Variants in MED16 observed in about 807,000 individuals in gnomAD.
MED16 encodes the protein mediator of RNA polymerase II transcription subunit 16.
In MED16, 81 loss-of-function variants were observed where a neutral mutation model predicts 84.4. That is an observed-to-expected ratio of 0.96 (90% CI 0.80 to 1.15). The LOEUF (loss-of-function observed/expected upper bound fraction) is 1.15. Ranked by LOEUF, MED16 falls within the 50% of genes most tolerant of loss-of-function variation. MED16 has a pLI of 0.00. For synonymous variants in MED16, 897 were observed against 552.2 expected (o/e 1.62, Z -8.76); for missense variants, 1,585 against 1,245.9 (o/e 1.27, Z -4.10).
intron 8 of MED16, 106 bp downstream of exon 8, chr19:879,818 AGGGCCAGCCCCAC>A (rs2036372866): frequency 1.7e-6 from 2 of 1,160,646 alleles, no homozygotes; most frequent in African/African-American, 3.1e-5. Flanking sequence ...AATCCCCACC[AGGGCCAGCCCCAC>A]GTGCCCCAGC....
chr19:871,649 A>C, intron 12 of MED16: 1 of 1,587,996 alleles, frequency 6.3e-7, no homozygotes. Context: ...CAGAGCATGG[A>C]CCTGTGCTAG....
rs61755331 is a variant in MED16 at position 875,395 on chromosome 19, C to T, written c.1620G>A (p.Thr540=). ...TGTGGTAGTCGCACACGCGGGTCAC[C>T]GTGCAGGGCGACAGCTTGCAGAGCG... ...KASLCKLSPC[T]VTRVCDYHTK... is the part of the protein sequence containing the mutation. Residue 540 remains threonine, a synonymous_variant, in exon 10 of 16, where the codon ACG becomes ACA. Transcript: ENST00000325464. 8,322 of 1,608,042 alleles carry T rather than the reference C, an allele frequency of 5.2e-3. 82 individuals carry two copies. The highest frequency in any genetic ancestry group is 4.5e-3 in the Non-Finnish European group (5,339 of 1,179,746).
intron 4 of MED16, among the ~76,000 whole-genome samples, chr19:887,323 G>A (rs1166129683): frequency 6.6e-6 from 1 of 152,154 alleles, no homozygotes; most frequent in Non-Finnish European, 1.5e-5. Context: ...AGGCTGGCAT[G>A]TCTGAGACTA....
At chr19:876,889 G>A in intron 9 of MED16, 85 bp downstream of exon 9, 3 of 1,391,666 alleles carry the variant, frequency 2.2e-6, no homozygotes, top group South Asian at 1.4e-5. Context: ...GCCCCCACCT[G>A]CCACGGGGCC....
Position 885,881 on chromosome 19 carries a change from G to A in MED16, c.768C>T (p.Asp256=), listed in dbSNP as rs2036515203. 2 of 1,613,792 alleles carry A rather than the reference G, an allele frequency of 1.2e-6. No individual in the cohort carries two copies. Among genetic ancestry groups the A allele is most frequent in the Non-Finnish European group, 8.5e-7 (1 of 1,179,980 alleles). Residue 256 remains aspartate (D), a synonymous_variant, in exon 5 of 16, where the codon GAC becomes GAT. Coordinates refer to ENST00000325464, the MANE Select transcript of MED16 (RefSeq NM_005481.3). ...VSVVSEKCRI[D]TEILPSLFMR... ...TGAACAGGGAGGGCAGGATCTCCGT[G>A]TCGATACGGCACTTCTCGCTCACCA...
intron 13 of MED16, 60 bp downstream of exon 13, chr19:870,977 C>T (rs886363052): frequency 2.0e-5 from 28 of 1,429,124 alleles, no homozygotes; most frequent in Admixed American, 4.5e-5. Flanking sequence ...TCGGGGGTCC[C>T]GGGGCAGGAC....
Position 868,069 on chromosome 19 carries a change from G to C in MED16, c.*32C>G. The stretch of plus-strand genomic sequence containing the variant: ...GAAACCGAGGAGACGCCCGAGCCGG[G>C]TCACCACAAGGTCCGCCTGGACCCC... On this transcript the variant is annotated 3_prime_UTR_variant, in exon 16 of 16. Transcript: ENST00000325464. 1 of 1,574,580 alleles carries C rather than the reference G, an allele frequency of 6.4e-7. No individual in the cohort carries two copies. The highest frequency in any genetic ancestry group is 8.6e-7 in the Non-Finnish European group (1 of 1,165,956).
chr19:878,437 C>T (rs868737979), intron 8 of MED16, among the ~76,000 whole-genome samples: 1 of 111,934 alleles, frequency 8.9e-6, no homozygotes, highest in Non-Finnish European at 1.8e-5. Flanking sequence ...GCCCCAGCCC[C>T]GGCCCCGGCC....
At position 880,090 on chromosome 19, in the gene MED16, C is replaced by G. The variant is rs368248858; in HGVS notation, c.1200G>C (p.Gln400His). Residue 400 changes from glutamine to histidine, a missense_variant, in exon 8 of 16, where the codon CAG becomes CAC. By Grantham distance (24) the Gln-to-His change is conservative. Transcript: ENST00000325464. The part of the protein sequence containing the change: ...SVHIVHRLSL[Q>H]TMAVFYSSAA... The stretch of plus-strand genomic sequence containing the variant: ...CGGAGCTGTAGAAGACGGCCATGGT[C>G]TGCAGTGAGAGCCGGTGCACGATGT... 20 of 1,610,776 alleles carry G rather than the reference C, an allele frequency of 1.2e-5. No individual in the cohort carries two copies. The highest frequency in any genetic ancestry group is 1.6e-5 in the Non-Finnish European group (19 of 1,179,442).
chr19:882,759 G>T (rs1343140093), intron 6 of MED16, among the ~76,000 whole-genome samples: 1 of 152,252 alleles, frequency 6.6e-6, no homozygotes, highest in Admixed American at 6.5e-5. Context: ...TCAGTTTGGG[G>T]CTGGCTTGTT....
chr19:872,888 G>A (rs1302024303), intron 11 of MED16: 1 of 916,876 alleles, frequency 1.1e-6, no homozygotes, highest in Non-Finnish European at 1.3e-6. Flanking sequence ...GGCAGGAAGG[G>A]TGTGGCCAAG....
Position 891,109 on chromosome 19 carries a change from GC to G in MED16, c.22del (p.Ala8ArgfsTer5). 1 of 1,613,408 alleles carries G rather than the reference GC, an allele frequency of 6.2e-7. No individual in the cohort carries two copies. The highest frequency in any genetic ancestry group is 8.5e-7 in the Non-Finnish European group (1 of 1,179,710). ...GGCCAAGTCCATCATCCCACCTGCC[GC>G]TGGCCGCCGCAAATCACACATGAGG... The part of the protein sequence containing the change: MCDLRRP[A>X]AGGMMDLAYV... On this transcript the variant is annotated frameshift_variant, in exon 2 of 16. Coordinates refer to ENST00000325464, the MANE Select transcript of MED16 (RefSeq NM_005481.3). LOFTEE classifies it high-confidence loss of function.
chr19:877,515 GA>G (rs892747667), intron 8 of MED16, among the ~76,000 whole-genome samples: 8 of 131,692 alleles, frequency 6.1e-5, no homozygotes, highest in African/African-American at 2.6e-4. Context: ...TACGTGCTGT[GA>G]GCCACCCCAC....
intron 9 of MED16, 120 bp downstream of exon 9, chr19:876,854 C>A: frequency 1.1e-6 from 1 of 942,032 alleles, no homozygotes; most frequent in East Asian, 2.7e-5. Flanking sequence ...ACAGCCCCAC[C>A]TGGCACGGGA....
intron 8 of MED16, 65 bp from the exon 9 acceptor site, chr19:877,245 A>G (rs1341933927): frequency 2.0e-6 from 3 of 1,506,034 alleles, no homozygotes; most frequent in Non-Finnish European, 2.7e-6. Context: ...CGGGAGAGGA[A>G]TGGGGCCCTG....
At chr19:891,250 AG>A in intron 1 of MED16, 101 bp from the exon 2 acceptor site, 2 of 1,207,126 alleles carry the variant, frequency 1.7e-6, no homozygotes, top group Non-Finnish European at 2.3e-6. Context: ...CCCGTGGTAG[AG>A]GGAACAGCCG....
At chr19:877,516 A>AGGTGGCCTAGTTACGAG (rs1568325535) in intron 8 of MED16, among the ~76,000 whole-genome samples, 1 of 151,762 alleles carries the variant, frequency 6.6e-6, no homozygotes, top group Non-Finnish European at 1.5e-5. Context: ...ACGTGCTGTG[A>AGGTGGCCTAGTTACGAG]GCCACCCCAC....
intron 11 of MED16, chr19:872,929 A>AGAGGAGGGCTCCGAGGTG: frequency 9.9e-7 from 1 of 1,012,304 alleles, no homozygotes; most frequent in Admixed American, 6.0e-5. Flanking sequence ...GGCTTCATGG[A>AGAGGAGGGCTCCGAGGTG]GAGGAGGGCT....
chr19:883,099 T>TC (rs1271923942), intron 6 of MED16, among the ~76,000 whole-genome samples: 2 of 152,140 alleles, frequency 1.3e-5, no homozygotes, highest in East Asian at 3.9e-4. Context: ...ACGATTTACA[T>TC]CCCCTCCTCC....
Sources: allele counts gnomAD v4.1 joint callset (sites outside exome capture counted in the v4.1 genomes callset), GRCh38; gene constraint gnomAD v4.1.1; transcripts MANE v1.5; gene names NCBI Gene and HGNC (gene_info 2026-07-23, HGNC 2026-07-21).